The following GCN1 variants were observed in gnomAD, a reference collection of about 807,000 sequenced individuals.
The protein encoded by GCN1 is GCN1 activator of EIF2AK4, also known as stalled ribosome sensor GCN1.
A neutral mutation model predicts 288.4 loss-of-function variants in GCN1; 90 were observed. That is an observed-to-expected ratio of 0.31 (90% CI 0.26 to 0.37). The LOEUF (loss-of-function observed/expected upper bound fraction) is 0.37, where lower values mean the gene tolerates loss of function less well. GCN1 is among the 10% of genes least tolerant of loss of function. The pLI is 1.00. For missense variants in GCN1, 2,586 were observed against 3,419.9 expected (o/e 0.76, Z 6.08); for synonymous variants, 1,386 against 1,420.2 (o/e 0.98, Z 0.54).
rs765267868 is a variant in GCN1, at chr12:120,157,957, G to C, written c.2979C>G (p.Pro993=). The change falls in exon 26 of 58, where the codon CCC becomes CCG. Residue 993 remains proline (P), a synonymous_variant. Transcript: ENST00000300648. ...ACTCCTCCTCCTCCTCACTGTGGTG[G>C]GGCATCTCCGTCAGCACCATCTTCA... ...PFLKMVLTEM[P]HHSEEEEEWM... 1.2e-6 allele frequency: 2 copies of C among 1,613,898 alleles called. No homozygotes were observed. Among genetic ancestry groups the C allele is most frequent in the East Asian group, 4.5e-5 (2 of 44,878 alleles).
chr12:120,182,580 C>T (rs991333826), intron 5 of GCN1, among the ~76,000 whole-genome samples: 5 of 152,184 alleles, frequency 3.3e-5, no homozygotes, highest in Non-Finnish European at 7.3e-5. Context: ...TATTTTCTTT[C>T]CCACTTTGCA....
At chr12:120,175,906 C>T in intron 10 of GCN1, 32 bp from the exon 11 acceptor site, 2 of 1,586,742 alleles carry the variant, frequency 1.3e-6, no homozygotes, top group South Asian at 2.3e-5. Flanking sequence ...TCAGAAGCAG[C>T]CAACAACTGA....
intron 33 of GCN1, among the ~76,000 whole-genome samples, 156 bp from the exon 34 acceptor site, chr12:120,151,547 C>T (rs1218907703): frequency 6.6e-6 from 1 of 152,238 alleles, no homozygotes; most frequent in Non-Finnish European, 1.5e-5. Context: ...GAGAAGCAAA[C>T]AGGTATACAC....
At chr12:120,166,088 C>T (rs1172813350) in intron 16 of GCN1, among the ~76,000 whole-genome samples, 1 of 151,682 alleles carries the variant, frequency 6.6e-6, no homozygotes, top group Admixed American at 6.6e-5. Flanking sequence ...GTGTCCGGCC[C>T]CAGCCTATTT....
chr12:120,188,391 G>A (rs1251243272), intron 2 of GCN1, among the ~76,000 whole-genome samples: 15 of 139,404 alleles, frequency 1.1e-4, no homozygotes, highest in African/African-American at 3.4e-4. Context: ...CAGAGGTCGC[G>A]CCACAGCACT....
Position 120,137,367 on chromosome 12 carries a change from C to A in GCN1, c.6664-48G>T. 6.6e-7 allele frequency: 1 copy of A among 1,522,172 alleles called. No individual in the cohort carries two copies. The highest frequency in any genetic ancestry group is 9.1e-7 in the Non-Finnish European group (1 of 1,097,604). 94.3% of individuals were successfully genotyped at this position (1,522,172 alleles called of 1,614,324 possible). A position where few individuals can be genotyped will look rare whatever the true frequency, so the allele number is the denominator to read the frequency against. On this transcript the variant is annotated intron_variant, in intron 49 of 57. Coordinates refer to ENST00000300648, the MANE Select transcript of GCN1 (RefSeq NM_006836.2). The surrounding 1 kb of genome is among the most constrained non-coding windows in gnomAD (Gnocchi z 5.2). ...GAGAGGATGTACAGCCCTCTCAAGACTGCTTCCAAAGAATATATGGGGAAA... is the reference window on the plus strand; with the variant it reads ...GAGAGGATGTACAGCCCTCTCAAGAATGCTTCCAAAGAATATATGGGGAAA...
chr12:120,158,159 A>G lies in GCN1; in HGVS notation c.2906-129T>C, dbSNP rs1221873415. On this transcript the variant is annotated intron_variant, in intron 25 of 57. Transcript: ENST00000300648. This position sits in a 1 kb window ranked among gnomAD's most constrained non-coding sequence, Gnocchi z 4.3. ...GGCCCGTTCTGACACCTGGAAGCAC[A>G]TGGCACGAGGACAGAGACAGCAGCT... is the stretch of plus-strand genomic sequence containing the variant. 3 of 852,706 alleles carry G rather than the reference A, an allele frequency of 3.5e-6. No homozygotes were observed. The African/African-American group carries it at 5.1e-5, about 14-fold the overall frequency. 52.8% of individuals were successfully genotyped at this position (852,706 alleles called of 1,614,324 possible). A position where few individuals can be genotyped will look rare whatever the true frequency, so the allele number is the denominator to read the frequency against.
chr12:120,130,548 CACA>C, intron 56 of GCN1, 95 bp downstream of exon 56: 1 of 792,338 alleles, frequency 1.3e-6, no homozygotes, highest in South Asian at 1.4e-5. Flanking sequence ...AGAACTAGCA[CACA>C]ACTAGTTGAG....
rs1876652866 is a variant in GCN1 at position 120,127,436 on chromosome 12, A to G, written c.*413T>C. The G allele has an allele frequency of 5.7e-6, 1 of 176,258 alleles. No homozygotes were observed. The highest frequency in any genetic ancestry group is 1.2e-5 in the Non-Finnish European group (1 of 81,754). The allele number at this position is 176,258 out of a possible 1,614,324, so 10.9% of individuals were successfully genotyped here. A position where few individuals can be genotyped will look rare whatever the true frequency, so the allele number is the denominator to read the frequency against. Reference sequence around the variant, plus strand: ...TGAAAAGCCAAGCCAGACACACCACACTGGGCAGAGATCCACCGTCTGTGC... The same window carrying G: ...TGAAAAGCCAAGCCAGACACACCACGCTGGGCAGAGATCCACCGTCTGTGC... On this transcript the variant is annotated 3_prime_UTR_variant, in exon 58 of 58. Coordinates refer to ENST00000300648, the MANE Select transcript of GCN1 (RefSeq NM_006836.2).
At position 120,144,950 on chromosome 12, in the gene GCN1, AGCTCT is replaced by A; in HGVS notation, c.5123_5127del (p.Gln1708LeufsTer13). 6.2e-7 allele frequency: 1 copy of A among 1,614,184 alleles called. No individual in the cohort carries two copies. Among genetic ancestry groups the A allele is most frequent in the Non-Finnish European group, 8.5e-7 (1 of 1,180,026 alleles). ...TGTGCAGCGCCTGAGCGATCCACAG[AGCTCT>A]GCTCATAGGTCAGTGTCTCCATCAG... On this transcript the variant is annotated frameshift_variant, in exon 40 of 58. Transcript: ENST00000300648. LOFTEE classifies it high-confidence loss of function. The surrounding 1 kb of genome is among the most constrained non-coding windows in gnomAD (Gnocchi z 4.7).
chr12:120,169,276 C>CAAAAAAAAAAAAAAAAAA (rs35819206), intron 15 of GCN1, among the ~76,000 whole-genome samples: 21 of 66,508 alleles, frequency 3.2e-4, no homozygotes, highest in Admixed American at 3.9e-4. Flanking sequence ...AACTCCGTCT[C>CAAAAAAAAAAAAAAAAAA]AAAAAAAAAA....
At position 120,155,216 on chromosome 12, in the gene GCN1, C is replaced by T; in HGVS notation, c.3630+25G>A. ...CACCCAACCGCACACACCCAGACTG[C>T]ATCAGGGCTGCACAGGTCACTCACG... is the stretch of plus-strand genomic sequence containing the variant. On this transcript the variant is annotated intron_variant, in intron 30 of 57. Coordinates refer to ENST00000300648, the MANE Select transcript of GCN1 (RefSeq NM_006836.2). This position sits in a 1 kb window ranked among gnomAD's most constrained non-coding sequence, Gnocchi z 4.9. The T allele has an allele frequency of 6.2e-7, 1 of 1,609,148 alleles. No homozygotes were observed. The highest frequency in any genetic ancestry group is 8.5e-7 in the Non-Finnish European group (1 of 1,175,526).
In GCN1 at chr12:120,158,586, G is replaced by T; in HGVS notation, c.2779C>A (p.Leu927Met). Reference protein sequence around the residue: ...GTLVSHVTLRLLKPECVLDKS... With the variant: ...GTLVSHVTLRMLKPECVLDKS... ...TCCAGGACACACTCTGGCTTCAGCA[G>T]GCGCAGGGTCACGTGGCTCACCAAA... The change falls in exon 25 of 58, where the codon CTG (leucine) becomes ATG (methionine). Residue 927 changes from leucine to methionine, a missense_variant. Around this residue, in one of 8 missense-constraint regions of GCN1, gnomAD observed 153 missense variants for 252.0 expected, o/e 0.61. Transcript: ENST00000300648. The surrounding 1 kb of genome is among the most constrained non-coding windows in gnomAD (Gnocchi z 4.3). 6.2e-7 allele frequency: 1 copy of T among 1,608,862 alleles called. No individual in the cohort carries two copies.
Position 120,147,208 on chromosome 12 carries a change from C to G in GCN1, c.4791G>C (p.Gln1597His). The G allele has an allele frequency of 6.2e-7, 1 of 1,613,266 alleles. No individual in the cohort carries two copies. The highest frequency in any genetic ancestry group is 8.5e-7 in the Non-Finnish European group (1 of 1,179,344). ...GGACAAACTTGGTGTCCAGCAGGGTCTGCAAGCACTTCTGGGTCTTCCTGG... is the reference window on the plus strand; with the variant it reads ...GGACAAACTTGGTGTCCAGCAGGGTGTGCAAGCACTTCTGGGTCTTCCTGG... ...DPSRKTQKCLQTLLDTKFVHF... is the reference protein window; with the variant it reads ...DPSRKTQKCLHTLLDTKFVHF... Residue 1597 changes from glutamine to histidine, a missense_variant, in exon 38 of 58, where the codon CAG (glutamine) becomes CAC (histidine). Coordinates refer to ENST00000300648, the MANE Select transcript of GCN1 (RefSeq NM_006836.2).
intron 33 of GCN1, among the ~76,000 whole-genome samples, chr12:120,152,375 C>G (rs1445009003): frequency 7.6e-6 from 1 of 131,984 alleles, no homozygotes; most frequent in Non-Finnish European, 1.6e-5. Flanking sequence ...AAAATGCAAA[C>G]CACACACACA....
intron 16 of GCN1, among the ~76,000 whole-genome samples, chr12:120,166,591 C>G (rs897975138): frequency 1.3e-5 from 2 of 149,524 alleles, no homozygotes; most frequent in African/African-American, 5.0e-5. Flanking sequence ...GTAGTCCCAG[C>G]TACTCAGGAG....
chr12:120,134,037 G>A lies in GCN1; in HGVS notation c.7317+254C>T, dbSNP rs1036294804. ...AGCCGAGATTGTGCCACTTCACTCC[G>A]GCCTGGGTGACACAGCAAGACTCAG... On this transcript the variant is annotated intron_variant, in intron 53 of 57. Coordinates refer to ENST00000300648, the MANE Select transcript of GCN1 (RefSeq NM_006836.2). This position sits in a 1 kb window ranked among gnomAD's most constrained non-coding sequence, Gnocchi z 5.0. Among the ~76,000 whole-genome samples the A allele has an allele frequency of 4.6e-5, 7 of 152,222 alleles. No homozygotes were observed. Among genetic ancestry groups the A allele is most frequent in the East Asian group, 1.9e-4 (1 of 5,176 alleles).
chr12:120,172,606 C>T (rs1003522847), intron 14 of GCN1, among the ~76,000 whole-genome samples: 1 of 151,898 alleles, frequency 6.6e-6, no homozygotes, highest in Admixed American at 6.6e-5. Context: ...GCCTCCTGGG[C>T]TCAAGCGATT....
chr12:120,142,081 C>T lies in GCN1; in HGVS notation c.5829+426G>A, dbSNP rs901262461. 6.6e-6 allele frequency among the ~76,000 whole-genome samples: 1 copy of T among 152,160 alleles called. No individual in the cohort carries two copies. The highest frequency in any genetic ancestry group is 1.5e-5 in the Non-Finnish European group (1 of 68,048). The stretch of plus-strand genomic sequence containing the variant: ...GTGGCTCAAGCCTGTAATCCCAGCA[C>T]TTTGGGAGGCCGAGACGGGCGCATC... On this transcript the variant is annotated intron_variant, in intron 44 of 57. Transcript: ENST00000300648. This position sits in a 1 kb window ranked among gnomAD's most constrained non-coding sequence, Gnocchi z 4.9.
Sources: gnomAD v4.1 joint callset for allele counts (sites outside exome capture counted in the v4.1 genomes callset) on GRCh38, gnomAD v4.1.1 for gene constraint, gnomAD v4.1.1 regional missense constraint, Gnocchi (gnomAD v3.1) non-coding constraint, MANE v1.5 for transcripts, NCBI Gene and HGNC (gene_info 2026-07-23, HGNC 2026-07-21) for gene names.